The following HK1 variants were observed in gnomAD, a reference collection of about 807,000 sequenced individuals.
HK1 encodes hexokinase-1.
In HK1, 28 loss-of-function variants were observed where a neutral mutation model predicts 91.6. The ratio of observed to expected loss-of-function variants is 0.31; its 90% confidence interval spans 0.23 to 0.42. The LOEUF (loss-of-function observed/expected upper bound fraction) is 0.42, where lower values mean the gene tolerates loss of function less well. Ranked by LOEUF, HK1 falls within the 10% of genes least tolerant of loss-of-function variation. The pLI is 1.00. For synonymous variants in HK1, 430 were observed against 468.1 expected (o/e 0.92, Z 1.05); for missense variants, 770 against 1,219.8 (o/e 0.63, Z 5.49).
At chr10:69,336,947 T>C (rs1360516444) in intron 1 of HK1, among the ~76,000 whole-genome samples, 2 of 151,862 alleles carry the variant, frequency 1.3e-5, no homozygotes, top group African/African-American at 4.8e-5. Context: ...GCCTGGCCGG[T>C]AGATGTATTT....
At position 69,336,505 on chromosome 10, in the gene HK1, T is replaced by TA. The variant is rs57732029; in HGVS notation, c.64-7311dup. 9.8e-4 allele frequency among the ~76,000 whole-genome samples: 144 copies of TA among 147,324 alleles called. 1 individual carries two copies. The highest frequency in any genetic ancestry group is 3.6e-3 in the Middle Eastern group (1 of 280). ...CGCGCCTGGCCTATTATTGCATCTT[T>TA]AAAAAAAAAAATGAAACAGTGTAAA... On this transcript the variant is annotated intron_variant, in intron 1 of 17. Coordinates refer to ENST00000359426, the MANE Select transcript of HK1 (RefSeq NM_000188.3).
chr10:69,306,204 A>G (rs1846094778), intron 5 of HK1, among the ~76,000 whole-genome samples: 1 of 151,852 alleles, frequency 6.6e-6, no homozygotes, highest in Non-Finnish European at 1.5e-5. Context: ...AATACAAAAA[A>G]AAAATTAGCC....
intron 14 of HK1, 52 bp from the exon 15 acceptor site, chr10:69,392,073 A>G: frequency 6.2e-7 from 1 of 1,604,306 alleles, no homozygotes. Flanking sequence ...CCCAGTTGCA[A>G]GACCCCCAAA....
At chr10:69,284,963 C>T (rs954518035) in intron 2 of HK1, among the ~76,000 whole-genome samples, 22 of 152,062 alleles carry the variant, frequency 1.4e-4, no homozygotes, top group African/African-American at 5.1e-4. Flanking sequence ...ACTACAGGTG[C>T]CAGCCACCAC....
chr10:69,318,882 G>T lies in HK1; in HGVS notation c.-66G>T, dbSNP rs1846826265. 1 of 1,521,394 alleles carries T rather than the reference G, an allele frequency of 6.6e-7. No individual in the cohort carries two copies. The highest frequency in any genetic ancestry group is 1.2e-5 in the South Asian group (1 of 81,654). The allele number at this position is 1,521,394 out of a possible 1,614,324, so 94.2% of individuals were successfully genotyped here. A position where few individuals can be genotyped will look rare whatever the true frequency, so the allele number is the denominator to read the frequency against. ...CGCCGAGCAGCCGCCGGAGGACCAC[G>T]GCTCGCCAGGGCTGCGGAGGACCGA... On this transcript the variant is annotated 5_prime_UTR_variant, in exon 1 of 18. Transcript: ENST00000359426.
intron 2 of HK1, among the ~76,000 whole-genome samples, chr10:69,282,922 G>A (rs538734657): frequency 1.3e-5 from 2 of 150,738 alleles, no homozygotes; most frequent in East Asian, 3.9e-4. Context: ...TTTGAGACCA[G>A]CCTGGCCAAC....
intron 3 of HK1, among the ~76,000 whole-genome samples, chr10:69,293,443 G>T (rs1423604872): frequency 6.6e-6 from 1 of 152,234 alleles, no homozygotes; most frequent in Non-Finnish European, 1.5e-5. Context: ...ATATCTCCAA[G>T]ATATGTATGC....
intron 1 of HK1, among the ~76,000 whole-genome samples, chr10:69,326,533 C>G (rs1439567128): frequency 6.6e-6 from 1 of 152,110 alleles, no homozygotes; most frequent in Non-Finnish European, 1.5e-5. Context: ...CTTGCTTCCT[C>G]TGTTTCCTTC....
At chr10:69,337,845 G>C (rs917401226) in intron 1 of HK1, among the ~76,000 whole-genome samples, 4 of 152,210 alleles carry the variant, frequency 2.6e-5, no homozygotes, top group African/African-American at 9.6e-5. Flanking sequence ...CACGGGGTGG[G>C]GTGAAAATGG....
At chr10:69,339,409 C>T (rs1190649645) in intron 1 of HK1, among the ~76,000 whole-genome samples, 1 of 152,200 alleles carries the variant, frequency 6.6e-6, no homozygotes, top group Non-Finnish European at 1.5e-5. Context: ...CCAGGAGGCC[C>T]CAGTTTCAGT....
At chr10:69,361,142 G>C (rs1009498187) in intron 3 of HK1, among the ~76,000 whole-genome samples, 1 of 152,218 alleles carries the variant, frequency 6.6e-6, no homozygotes, top group African/African-American at 2.4e-5. Context: ...TGGCTAACCT[G>C]CTCCCTGGGA....
chr10:69,283,798 C>CAAAAAAAAAAAAAAAAAAA (rs571297748), intron 2 of HK1, among the ~76,000 whole-genome samples: 7 of 67,532 alleles, frequency 1.0e-4, no homozygotes, highest in Non-Finnish European at 1.3e-4. Context: ...GACTCTGTCT[C>CAAAAAAAAAAAAAAAAAAA]AAAAAAAAAA....
At chr10:69,338,824 A>C in intron 1 of HK1, 1 of 707,134 alleles carries the variant, frequency 1.4e-6, no homozygotes, top group Non-Finnish European at 2.0e-6. Flanking sequence ...GAAGGAGGAG[A>C]GTAAAGATCT....
intron 3 of HK1, among the ~76,000 whole-genome samples, chr10:69,364,399 C>A (rs1018465763): frequency 2.0e-5 from 3 of 151,928 alleles, no homozygotes; most frequent in Non-Finnish European, 2.9e-5. Flanking sequence ...TCGGGCGGGG[C>A]GGGAAGGCCA....
At chr10:69,294,785 C>G (rs2132476073) in intron 3 of HK1, among the ~76,000 whole-genome samples, 1 of 152,186 alleles carries the variant, frequency 6.6e-6, no homozygotes, top group African/African-American at 2.4e-5. Flanking sequence ...TCGCTTGAAC[C>G]TGGGAGGCAG....
chr10:69,368,525 C>G lies in HK1; in HGVS notation c.496-11C>G. The G allele has an allele frequency of 6.2e-7, 1 of 1,612,916 alleles. No homozygotes were observed. Among genetic ancestry groups the G allele is most frequent in the Non-Finnish European group, 8.5e-7 (1 of 1,178,954 alleles). ...CAGCCCTCATCCAGCCCCATCCATT[C>G]TTCTTTGCAGGCCATCCTGATCACC... On this transcript the variant is annotated splice_polypyrimidine_tract_variant and intron_variant, in intron 4 of 17. Coordinates refer to ENST00000359426, the MANE Select transcript of HK1 (RefSeq NM_000188.3).
chr10:69,370,940 C>T (rs1388484447), intron 7 of HK1, among the ~76,000 whole-genome samples: 2 of 152,296 alleles, frequency 1.3e-5, no homozygotes, highest in East Asian at 3.9e-4. Flanking sequence ...TACCCAGCCT[C>T]CCAGCAGCCT....
Position 69,390,658 on chromosome 10 carries a change from A to G in HK1, c.2035+1362A>G, listed in dbSNP as rs574147412. ...CTACCAAAGCCCTTTTGGTCTGGCC[A>G]GGGGGTGTGTCTTGTGCCCTCCCGA... On this transcript the variant is annotated intron_variant, in intron 14 of 17. Coordinates refer to ENST00000359426, the MANE Select transcript of HK1 (RefSeq NM_000188.3). Among the ~76,000 whole-genome samples, 6 of 152,280 alleles carry G rather than the reference A, an allele frequency of 3.9e-5. No homozygotes were observed. In the South Asian group the frequency reaches 6.2e-4, roughly 16 times the overall value.
chr10:69,300,959 T>C lies in HK1; in HGVS notation c.27+98T>C, dbSNP rs751519248. 2.8e-5 allele frequency: 20 copies of C among 718,978 alleles called. No individual in the cohort carries two copies. The Middle Eastern group carries it at 7.4e-4, about 26-fold the overall frequency. 44.5% of individuals were successfully genotyped at this position (718,978 alleles called of 1,614,324 possible). ...TACAAGGTTAATATACATAAATCAA[T>C]TGTAGCCAGGCACGGTGGCTCACGC... On this transcript the variant is annotated intron_variant, in intron 5 of 21. Coordinates refer to the HK1 transcript ENST00000360289.
Sources: gnomAD v4.1 joint callset for allele counts (sites outside exome capture counted in the v4.1 genomes callset) on GRCh38, gnomAD v4.1.1 for gene constraint, MANE v1.5 for transcripts, NCBI Gene and HGNC (gene_info 2026-07-23, HGNC 2026-07-21) for gene names.